Variants in SPIDR observed in about 807,000 individuals in gnomAD.
SPIDR encodes DNA repair-scaffolding protein.
In SPIDR, 93 loss-of-function variants were observed where a neutral mutation model predicts 104.6. The ratio of observed to expected loss-of-function variants is 0.89; its 90% confidence interval spans 0.75 to 1.06. SPIDR has a LOEUF of 1.06. Among genes scored for constraint, SPIDR ranks in the 50% least tolerant of loss-of-function variants. SPIDR has a pLI of 0.00. For synonymous variants in SPIDR, 431 were observed against 416.9 expected, an observed-to-expected ratio of 1.03 and a Z score of -0.41; for missense variants, 1,154 against 1,111.2, an observed-to-expected ratio of 1.04 and a Z score of -0.55.
chr8:47,655,615 C>G (rs1277984902), intron 10 of SPIDR, among the ~76,000 whole-genome samples: 9 of 152,212 alleles, frequency 5.9e-5, no homozygotes, highest in African/African-American at 1.7e-4. Flanking sequence ...ATTGTAGATT[C>G]TGGATATTAG....
chr8:47,410,737 C>A (rs1251638596), intron 7 of SPIDR, among the ~76,000 whole-genome samples: 1 of 151,870 alleles, frequency 6.6e-6, no homozygotes, highest in East Asian at 1.9e-4. Context: ...TATATATGTG[C>A]CATGTTGGTG....
At chr8:47,355,966 A>G (rs1216488961) in intron 5 of SPIDR, among the ~76,000 whole-genome samples, 10 of 152,290 alleles carry the variant, frequency 6.6e-5, no homozygotes, top group African/African-American at 1.9e-4. Context: ...GAGCCTTGGC[A>G]TAGCTCTTGG....
chr8:47,319,398 G>A (rs201658588), intron 5 of SPIDR, among the ~76,000 whole-genome samples: 2 of 152,136 alleles, frequency 1.3e-5, no homozygotes, highest in East Asian at 1.9e-4. Flanking sequence ...GAGCTAGCTA[G>A]CCTAAATATA....
intron 10 of SPIDR, among the ~76,000 whole-genome samples, chr8:47,640,270 C>T (rs2068658991): frequency 6.6e-6 from 1 of 152,184 alleles, no homozygotes; most frequent in Non-Finnish European, 1.5e-5. Context: ...CTCTGATTGA[C>T]AGGTCCCAAG....
chr8:47,363,841 G>GT lies in SPIDR; in HGVS notation c.526-32521dup, dbSNP rs1419947330. Among the ~76,000 whole-genome samples the GT allele has an allele frequency of 8.7e-3, 1,241 of 142,262 alleles. 12 individuals carry two copies. The highest frequency in any genetic ancestry group is 0.022 in the African/African-American group (876 of 39,050). 93.3% of individuals were successfully genotyped at this position (142,262 alleles called of 152,430 possible). A position where few individuals can be genotyped will look rare whatever the true frequency, so the allele number is the denominator to read the frequency against. ...TCTAGGTGGTTTTTCTGTTCTGTAG[G>GT]TTTTTTTTTTTTTTCTCTCTCTGTC... On this transcript the variant is annotated intron_variant, in intron 5 of 19. Coordinates refer to ENST00000297423, the MANE Select transcript of SPIDR (RefSeq NM_001080394.4).
In SPIDR at chr8:47,509,773, A is replaced by G. The variant is rs544507330; in HGVS notation, c.1097+69231A>G. Among the ~76,000 whole-genome samples, 16 of 152,344 alleles carry G rather than the reference A, an allele frequency of 1.1e-4. No individual in the cohort carries two copies. In the East Asian group the frequency reaches 1.9e-3, roughly 18 times the overall value. On this transcript the variant is annotated intron_variant, in intron 8 of 19. Transcript: ENST00000297423. ...GGGCAGAACTAGGTCTACAACGTAT[A>G]TCTCTTGACTTCTTGTCCTCTTTTG...
At chr8:47,336,611 T>A (rs1554609516) in intron 5 of SPIDR, among the ~76,000 whole-genome samples, 2 of 152,328 alleles carry the variant, frequency 1.3e-5, no homozygotes, top group Admixed American at 6.5e-5. Context: ...TTCTTTGATA[T>A]TTTTTGAGAG....
chr8:47,470,619 A>G (rs2075557861), intron 8 of SPIDR, among the ~76,000 whole-genome samples: 1 of 152,212 alleles, frequency 6.6e-6, no homozygotes, highest in Non-Finnish European at 1.5e-5. Flanking sequence ...ATCATTCAAT[A>G]TGAAGAACAG....
chr8:47,682,178 T>C (rs570115338), intron 11 of SPIDR, among the ~76,000 whole-genome samples: 1 of 151,762 alleles, frequency 6.6e-6, no homozygotes, highest in African/African-American at 2.4e-5. Flanking sequence ...AAAGAGGTTT[T>C]TATTACGTCC....
chr8:47,269,624 T>A (rs2034872692), intron 1 of SPIDR, among the ~76,000 whole-genome samples: 1 of 151,576 alleles, frequency 6.6e-6, no homozygotes, highest in Non-Finnish European at 1.5e-5. Flanking sequence ...TCAGTAGAGA[T>A]GAATTTACTA....
At chr8:47,572,783 A>C (rs559495610) in intron 8 of SPIDR, among the ~76,000 whole-genome samples, 75 of 152,286 alleles carry the variant, frequency 4.9e-4, no homozygotes, top group African/African-American at 1.8e-3. Flanking sequence ...AGACAGAAAT[A>C]AAAGATGAAA....
intron 8 of SPIDR, among the ~76,000 whole-genome samples, chr8:47,548,680 G>T (rs1318815716): frequency 6.6e-6 from 1 of 152,124 alleles, no homozygotes; most frequent in African/African-American, 2.4e-5. Flanking sequence ...AAGTAAGAAT[G>T]ATGAAAGGAC....
intron 5 of SPIDR, among the ~76,000 whole-genome samples, chr8:47,335,281 ACTT>A (rs1196825288): frequency 1.3e-5 from 2 of 152,060 alleles, no homozygotes; most frequent in East Asian, 1.9e-4. Flanking sequence ...TTCTTTTAAT[ACTT>A]CTTGCAAGGC....
intron 14 of SPIDR, 41 bp from the exon 15 acceptor site, chr8:47,712,621 T>C (rs748675679): frequency 6.4e-7 from 1 of 1,572,662 alleles, no homozygotes; most frequent in East Asian, 2.3e-5. Context: ...AAAACATTTT[T>C]TGGTATAATA....
At chr8:47,268,789 T>C (rs2034631924) in intron 1 of SPIDR, among the ~76,000 whole-genome samples, 1 of 152,170 alleles carries the variant, frequency 6.6e-6, no homozygotes, top group Admixed American at 6.5e-5. Context: ...TGAGATTGTA[T>C]CCTGCAACTT....
intron 10 of SPIDR, among the ~76,000 whole-genome samples, chr8:47,616,434 A>G (rs1443901634): frequency 6.6e-6 from 1 of 152,138 alleles, no homozygotes; most frequent in Non-Finnish European, 1.5e-5. Context: ...TAAATTTTAT[A>G]TACTATATAG....
intron 10 of SPIDR, among the ~76,000 whole-genome samples, chr8:47,625,789 T>A (rs1366366688): frequency 6.6e-6 from 1 of 152,102 alleles, no homozygotes; most frequent in Admixed American, 6.5e-5. Flanking sequence ...GAAGAATCAA[T>A]ATCATGAAAA....
At chr8:47,396,237 AGCT>A in intron 5 of SPIDR, 136 bp from the exon 6 acceptor site, 1 of 724,758 alleles carries the variant, frequency 1.4e-6, no homozygotes, top group Non-Finnish European at 2.2e-6. Context: ...CAGAAGTTAA[AGCT>A]GCAGATACTG....
chr8:47,516,715 C>A (rs1305635942), intron 8 of SPIDR, among the ~76,000 whole-genome samples: 1 of 152,058 alleles, frequency 6.6e-6, no homozygotes, highest in Non-Finnish European at 1.5e-5. Context: ...TTCTTGACTA[C>A]TGTGTGAATA....
Sources: gnomAD v4.1 joint callset for allele counts (sites outside exome capture counted in the v4.1 genomes callset) on GRCh38, gnomAD v4.1.1 for gene constraint, MANE v1.5 for transcripts, NCBI Gene and HGNC (gene_info 2026-07-23, HGNC 2026-07-21) for gene names.